GRIP1: variants seen among roughly 807,000 people sequenced by gnomAD.
GRIP1 encodes glutamate receptor-interacting protein 1.
Under a neutral mutation model 129.9 loss-of-function variants are expected in GRIP1, and 45 were observed. That is an observed-to-expected ratio of 0.35 (90% CI 0.27 to 0.44). The LOEUF (loss-of-function observed/expected upper bound fraction) is 0.44, where lower values mean the gene tolerates loss of function less well. Among genes scored for constraint, GRIP1 ranks in the 20% least tolerant of loss-of-function variants. The pLI is 1.00. For missense variants in GRIP1, 1,196 were observed against 1,396.8 expected (o/e 0.86, Z 2.29); for synonymous variants, 530 against 520.8 (o/e 1.02, Z -0.24).
intron 1 of GRIP1, among the ~76,000 whole-genome samples, chr12:66,640,149 A>T (rs1337029345): frequency 6.6e-6 from 1 of 152,172 alleles, no homozygotes; most frequent in Non-Finnish European, 1.5e-5. Flanking sequence ...CATCTCATGC[A>T]TACTTCCATC....
chr12:66,937,575 C>CA (rs942988171), intron 1 of GRIP1, among the ~76,000 whole-genome samples: 44 of 151,298 alleles, frequency 2.9e-4, no homozygotes, highest in African/African-American at 9.2e-4. Flanking sequence ...CCCCCAAATT[C>CA]AAAAAAAATT....
At chr12:66,969,871 A>G (rs2042047612) in intron 1 of GRIP1, among the ~76,000 whole-genome samples, 1 of 152,112 alleles carries the variant, frequency 6.6e-6, no homozygotes, top group Admixed American at 6.6e-5. Context: ...TCTAATGTCT[A>G]GCTTTTCCTT....
Position 67,025,344 on chromosome 12 carries a change from T to TACAC in GRIP1, c.58+43702_58+43705dup, listed in dbSNP as rs543314238. 6.0e-5 allele frequency among the ~76,000 whole-genome samples: 9 copies of TACAC among 151,030 alleles called. 2 individuals carry two copies. Among genetic ancestry groups the TACAC allele is most frequent in the African/African-American group, 2.2e-4 (9 of 41,222 alleles). ...TGACAGAGCGAGACTCTGTCTCAAA[T>TACAC]ACACACACACACACATACACACACA... On this transcript the variant is annotated intron_variant, in intron 1 of 1. Transcript: ENST00000643019.
chr12:66,645,475 G>A (rs2032287163), intron 1 of GRIP1, among the ~76,000 whole-genome samples: 2 of 152,206 alleles, frequency 1.3e-5, no homozygotes, highest in Non-Finnish European at 2.9e-5. Flanking sequence ...ATTTTACAAA[G>A]GGATTAACTT....
intron 9 of GRIP1, among the ~76,000 whole-genome samples, chr12:66,461,503 C>G (rs1029696318): frequency 1.3e-5 from 2 of 152,208 alleles, no homozygotes; most frequent in Non-Finnish European, 2.9e-5. Context: ...TTGTGAACGG[C>G]ACCTTCCTAC....
At chr12:66,898,096 C>T (rs1428956698) in intron 1 of GRIP1, among the ~76,000 whole-genome samples, 1 of 152,082 alleles carries the variant, frequency 6.6e-6, no homozygotes, top group Non-Finnish European at 1.5e-5. Flanking sequence ...CCACATTCCC[C>T]AAAAAATCTA....
At chr12:66,849,470 C>T (rs2137073856) in intron 1 of GRIP1, among the ~76,000 whole-genome samples, 1 of 152,184 alleles carries the variant, frequency 6.6e-6, no homozygotes, top group South Asian at 2.1e-4. Flanking sequence ...ATCCTTTTGG[C>T]TGGGTACAGT....
intron 1 of GRIP1, among the ~76,000 whole-genome samples, chr12:66,811,228 A>C (rs1033869274): frequency 1.3e-5 from 2 of 152,184 alleles, no homozygotes; most frequent in Non-Finnish European, 2.9e-5. Context: ...ATGTTCATTC[A>C]ATAAGTGTAG....
At chr12:66,554,226 C>A (rs1857026299) in intron 2 of GRIP1, among the ~76,000 whole-genome samples, 1 of 152,142 alleles carries the variant, frequency 6.6e-6, no homozygotes, top group African/African-American at 2.4e-5. Context: ...AACTCAGCTA[C>A]AGTCAGAGAG....
At chr12:66,808,605 G>GT (rs11399646), upstream of GRIP1, among the ~76,000 whole-genome samples, 21,775 of 150,922 alleles carry the variant, frequency 0.14, 1,875 homozygotes, top group African/African-American at 0.24. Flanking sequence ...GTTTTGTTTT[G>GT]TTTTTTTTTA....
chr12:66,482,316 A>G (rs1426178191), intron 7 of GRIP1, among the ~76,000 whole-genome samples: 1 of 152,138 alleles, frequency 6.6e-6, no homozygotes, highest in Non-Finnish European at 1.5e-5. Flanking sequence ...GAGCCTGATG[A>G]GCTGACATGG....
At chr12:66,454,178 G>A in intron 11 of GRIP1, among the ~76,000 whole-genome samples, 1 of 152,034 alleles carries the variant, frequency 6.6e-6, no homozygotes, top group East Asian at 1.9e-4. Flanking sequence ...AGCTCCCAGT[G>A]TGGGTGATAG....
chr12:66,660,814 T>C (rs903661405), intron 1 of GRIP1, among the ~76,000 whole-genome samples: 3 of 152,130 alleles, frequency 2.0e-5, no homozygotes, highest in South Asian at 2.1e-4. Flanking sequence ...AGGAATAAGA[T>C]ATGGGCTATG....
intron 1 of GRIP1, among the ~76,000 whole-genome samples, chr12:67,058,450 G>A (rs2043474817): frequency 6.6e-6 from 1 of 152,172 alleles, no homozygotes; most frequent in African/African-American, 2.4e-5. Context: ...TACATGTAGT[G>A]ATCTATTCTA....
intron 1 of GRIP1, among the ~76,000 whole-genome samples, chr12:66,860,569 C>A (rs1290952176): frequency 1.3e-5 from 2 of 151,904 alleles, no homozygotes; most frequent in Non-Finnish European, 2.9e-5. Context: ...GCCCATTCAC[C>A]GAGTGTAAGT....
rs2042044032 is a variant in GRIP1 at position 66,969,592 on chromosome 12, AT to A, written c.58+99457del. The stretch of plus-strand genomic sequence containing the variant: ...CCACCACGCCTGGCTAATTTTTTTT[AT>A]TTTTTTAGAAACAGGGTCTCACTAT... On this transcript the variant is annotated intron_variant, in intron 1 of 1. Transcript: ENST00000643019. 3.3e-5 allele frequency among the ~76,000 whole-genome samples: 5 copies of A among 151,696 alleles called. No homozygotes were observed. In the South Asian group the frequency reaches 1.0e-3, roughly 32 times the overall value.
intron 22 of GRIP1, chr12:66,372,187 A>C (rs1477728576): frequency 1.8e-6 from 1 of 562,686 alleles, no homozygotes; most frequent in African/African-American, 1.9e-5. Flanking sequence ...CACCCCTGGC[A>C]GTTTTGAGGC....
At chr12:66,830,426 C>G (rs775044882) in intron 1 of GRIP1, among the ~76,000 whole-genome samples, 1 of 151,988 alleles carries the variant, frequency 6.6e-6, no homozygotes, top group African/African-American at 2.4e-5. Context: ...ACAGAGTGAG[C>G]CTTGAAGATG....
chr12:66,612,250 T>C (rs1410359626), intron 1 of GRIP1, among the ~76,000 whole-genome samples: 1 of 152,162 alleles, frequency 6.6e-6, no homozygotes, highest in African/African-American at 2.4e-5. Context: ...CCAGATGGTA[T>C]GGTCTACTAC....
Sources: allele counts gnomAD v4.1 joint callset (sites outside exome capture counted in the v4.1 genomes callset), GRCh38; gene constraint gnomAD v4.1.1; transcripts MANE v1.5; gene names NCBI Gene and HGNC (gene_info 2026-07-23, HGNC 2026-07-21).